Variants in GAPVD1 observed in about 807,000 individuals in gnomAD.
GAPVD1 encodes GTPase activating protein and VPS9 domains 1.
In GAPVD1, 35 loss-of-function variants were observed where a neutral mutation model predicts 155.5. The observed-to-expected ratio is 0.23, with a 90% CI of 0.17 to 0.30. The LOEUF is 0.30. GAPVD1 is among the 10% of genes least tolerant of loss of function. GAPVD1 has a pLI of 1.00. For missense variants in GAPVD1, 1,429 were observed against 1,775.7 expected, an observed-to-expected ratio of 0.80 and a Z score of 3.51; for synonymous variants, 636 against 619.7, an observed-to-expected ratio of 1.03 and a Z score of -0.39.
chr9:125,271,170 A>G (rs1224459624), intron 2 of GAPVD1, among the ~76,000 whole-genome samples: 1 of 152,160 alleles, frequency 6.6e-6, no homozygotes, highest in Admixed American at 6.6e-5. Flanking sequence ...TAAAAAATAC[A>G]GGCTTTAAAC....
intron 2 of GAPVD1, among the ~76,000 whole-genome samples, chr9:125,294,848 AG>A: frequency 6.6e-6 from 1 of 152,202 alleles, no homozygotes; most frequent in African/African-American, 2.4e-5. Flanking sequence ...CAAATGAAGT[AG>A]ATGTCATCAG....
At chr9:125,284,479 C>CTT (rs113448662) in intron 2 of GAPVD1, among the ~76,000 whole-genome samples, 10 of 144,954 alleles carry the variant, frequency 6.9e-5, no homozygotes, top group South Asian at 2.2e-4. Context: ...CGCCTGGCAA[C>CTT]TTTTTTTTTT....
chr9:125,306,512 C>CT lies in GAPVD1; in HGVS notation c.1117-891dup, dbSNP rs549837560. On this transcript the variant is annotated intron_variant, in intron 6 of 27. Transcript: ENST00000297933. ...GTCTCCAACATCTTATTGTTATTTTCTTTTTTTTTTGAGACAGGGTCTCAC... is the reference window on the plus strand; with the variant it reads ...GTCTCCAACATCTTATTGTTATTTTCTTTTTTTTTTTGAGACAGGGTCTCAC... Among the ~76,000 whole-genome samples the CT allele has an allele frequency of 1.0e-3, 155 of 149,126 alleles. 2 individuals carry two copies. The highest frequency in any genetic ancestry group is 3.6e-3 in the South Asian group (17 of 4,718).
intron 1 of GAPVD1, among the ~76,000 whole-genome samples, chr9:125,266,804 A>G (rs1834050159): frequency 6.6e-6 from 1 of 151,984 alleles, no homozygotes; most frequent in African/African-American, 2.4e-5. Context: ...TCTGTGGTCC[A>G]GGCTGGAGTG....
At chr9:125,283,531 A>G (rs1837147232) in intron 2 of GAPVD1, among the ~76,000 whole-genome samples, 1 of 151,680 alleles carries the variant, frequency 6.6e-6, no homozygotes, top group African/African-American at 2.4e-5. Context: ...GCTATTTATT[A>G]TTATTATTAT....
At chr9:125,284,468 G>A (rs972084785) in intron 2 of GAPVD1, among the ~76,000 whole-genome samples, 2 of 151,468 alleles carry the variant, frequency 1.3e-5, no homozygotes, top group Non-Finnish European at 2.9e-5. Context: ...GTGAGCCACC[G>A]CGCCTGGCAA....
rs755471368 is a variant in GAPVD1, at chr9:125,355,742, A to G, written c.3856A>G (p.Asn1286Asp). 1 of 1,613,422 alleles carries G rather than the reference A, an allele frequency of 6.2e-7. No individual in the cohort carries two copies. Among genetic ancestry groups the G allele is most frequent in the East Asian group, 2.2e-5 (1 of 44,880 alleles). The change falls in exon 25 of 28, where the codon AAC becomes GAC. Residue 1286 changes from asparagine to aspartate, a missense_variant. Asn to Asp is a conservative substitution (Grantham distance 23). Transcript: ENST00000297933. ...AATGGCCCAGGATGTCATATGGCAA[A>G]ACGCGAGTGAAGAACAGCTTCAAGA... ...GAMAQDVIWQ[N>D]ASEEQLQDAQ...
chr9:125,299,251 A>G (rs932588425), intron 4 of GAPVD1, 145 bp downstream of exon 4: 5 of 502,160 alleles, frequency 1.0e-5, no homozygotes, highest in African/African-American at 1.9e-5. Flanking sequence ...GTCTTTGCTT[A>G]TAATACAGTT....
intron 5 of GAPVD1, among the ~76,000 whole-genome samples, chr9:125,303,036 G>C (rs991157205): frequency 6.6e-6 from 1 of 152,054 alleles, no homozygotes; most frequent in African/African-American, 2.4e-5. Context: ...GTCTTTGTCT[G>C]TTTTTTGAGA....
chr9:125,336,290 C>CAAA (rs34270139), intron 15 of GAPVD1, among the ~76,000 whole-genome samples: 1 of 129,176 alleles, frequency 7.7e-6, no homozygotes, highest in African/African-American at 2.7e-5. Context: ...AGCTTGAGAC[C>CAAA]AAAAAAAAAA....
intron 9 of GAPVD1, among the ~76,000 whole-genome samples, chr9:125,315,030 G>A (rs991563347): frequency 1.3e-5 from 2 of 151,944 alleles, no homozygotes; most frequent in Non-Finnish European, 1.5e-5. Context: ...CTCGTGATCC[G>A]CCCACCTCGG....
chr9:125,300,232 A>T (rs900632536), intron 4 of GAPVD1, among the ~76,000 whole-genome samples: 1 of 143,566 alleles, frequency 7.0e-6, no homozygotes, highest in South Asian at 2.3e-4. Context: ...CCCAGGCTGG[A>T]GTGCAGTGGC....
chr9:125,266,314 A>T (rs1046969042), intron 1 of GAPVD1, among the ~76,000 whole-genome samples: 23 of 149,432 alleles, frequency 1.5e-4, no homozygotes, highest in Non-Finnish European at 3.1e-4. Flanking sequence ...ATTTTATTTT[A>T]TTTTATTTTT....
intron 2 of GAPVD1, among the ~76,000 whole-genome samples, chr9:125,274,938 C>A (rs901459589): frequency 6.6e-6 from 1 of 152,104 alleles, no homozygotes; most frequent in African/African-American, 2.4e-5. Flanking sequence ...GGTACTCTTG[C>A]TCCAGCGTTT....
In GAPVD1 at chr9:125,286,944, C is replaced by T. The variant is rs147388313; in HGVS notation, c.-149-8514C>T. ...ACTAAAAATACAAAAATTAGCTGGA[C>T]GTGGTCGGGGGTGCCTGTAATCCTA... On this transcript the variant is annotated intron_variant, in intron 2 of 27. Coordinates refer to ENST00000297933, the MANE Select transcript of GAPVD1 (RefSeq NM_001282680.3). 2.6e-3 allele frequency among the ~76,000 whole-genome samples: 397 copies of T among 152,002 alleles called. 3 individuals are homozygous for T. Among genetic ancestry groups the T allele is most frequent in the African/African-American group, 9.2e-3 (380 of 41,476 alleles).
chr9:125,335,763 T>G (rs1846833200), intron 15 of GAPVD1, among the ~76,000 whole-genome samples: 2 of 152,190 alleles, frequency 1.3e-5, no homozygotes, highest in Admixed American at 1.3e-4. Context: ...TTTAAATGAA[T>G]TAATAAATAT....
intron 1 of GAPVD1, among the ~76,000 whole-genome samples, chr9:125,268,327 C>G (rs1834317207): frequency 6.6e-6 from 1 of 151,944 alleles, no homozygotes; most frequent in African/African-American, 2.4e-5. Flanking sequence ...AGTGATGGCA[C>G]ATAGTTCTTA....
chr9:125,350,215 A>G, intron 21 of GAPVD1, 80 bp from the exon 22 acceptor site: 1 of 824,764 alleles, frequency 1.2e-6, no homozygotes, highest in South Asian at 1.6e-5. Context: ...CTAAGGTAAC[A>G]TTAATTTATA....
At chr9:125,348,392 A>G (rs372786470) in intron 20 of GAPVD1, among the ~76,000 whole-genome samples, 2 of 152,108 alleles carry the variant, frequency 1.3e-5, no homozygotes, top group African/African-American at 4.8e-5. Context: ...GTGAGGTCTC[A>G]CTATGTTGCC....
Sources: gnomAD v4.1 joint callset for allele counts (sites outside exome capture counted in the v4.1 genomes callset) on GRCh38, gnomAD v4.1.1 for gene constraint, MANE v1.5 for transcripts, NCBI Gene and HGNC (gene_info 2026-07-23, HGNC 2026-07-21) for gene names.